The following DPF3 variants were observed in gnomAD, a reference collection of about 807,000 sequenced individuals.
DPF3 encodes double PHD fingers 3.
A neutral mutation model predicts 56.8 loss-of-function variants in DPF3; 18 were observed. The ratio of observed to expected loss-of-function variants is 0.32; its 90% CI spans 0.22 to 0.47. The LOEUF (loss-of-function observed/expected upper bound fraction) is 0.47, where lower values mean the gene tolerates loss of function less well. Ranked by LOEUF, DPF3 falls within the 20% of genes least tolerant of loss-of-function variation. The pLI, the probability that DPF3 is intolerant of heterozygous loss-of-function variation, is 1.00. For missense variants in DPF3, 403 were observed against 488.8 expected (o/e 0.82, Z 1.65); for synonymous variants, 188 against 180.2 (o/e 1.04, Z -0.35).
intron 1 of DPF3, among the ~76,000 whole-genome samples, chr14:72,783,675 C>G (rs1892084820): frequency 6.6e-6 from 1 of 152,212 alleles, no homozygotes; most frequent in Admixed American, 6.5e-5. Context: ...CGATGCCATT[C>G]AAGACATCAG....
chr14:72,791,168 A>C (rs1892414566), intron 1 of DPF3, among the ~76,000 whole-genome samples: 1 of 150,430 alleles, frequency 6.6e-6, no homozygotes, highest in Non-Finnish European at 1.5e-5. Context: ...CTAGCCCCCC[A>C]CCATGTGAGT....
chr14:72,858,080 G>A (rs140296810), intron 1 of DPF3, among the ~76,000 whole-genome samples: 35 of 151,908 alleles, frequency 2.3e-4, no homozygotes, highest in Non-Finnish European at 4.4e-4. Context: ...TCAGGCAGGC[G>A]GATTACTTGA....
At chr14:72,656,790 C>T (rs922229383) in intron 8 of DPF3, among the ~76,000 whole-genome samples, 3 of 152,178 alleles carry the variant, frequency 2.0e-5, no homozygotes, top group Admixed American at 2.0e-4. Flanking sequence ...CAATAAACCC[C>T]GCTGAAAGTT....
chr14:72,841,063 G>A (rs758491600), intron 1 of DPF3, among the ~76,000 whole-genome samples: 17 of 152,166 alleles, frequency 1.1e-4, no homozygotes, highest in Non-Finnish European at 1.6e-4. Flanking sequence ...TGCCTTAGGC[G>A]GCAGGATTTG....
rs530320584 is a variant in DPF3 at position 72,714,565 on chromosome 14, C to T, written c.526-64G>A. The stretch of plus-strand genomic sequence containing the variant: ...GTCATCACTACAGCTCCGGAGCATG[C>T]GCTCTGCGAGCTCCTTACACCGTCT... On this transcript the variant is annotated intron_variant, in intron 5 of 10. Transcript: ENST00000556509. The T allele has an allele frequency of 1.3e-4, 202 of 1,576,264 alleles. 3 individuals carry two copies. Among genetic ancestry groups the T allele is most frequent in the South Asian group, 1.0e-3 (89 of 88,920 alleles).
At chr14:72,891,709 T>G (rs1189105431) in intron 1 of DPF3, among the ~76,000 whole-genome samples, 2 of 152,084 alleles carry the variant, frequency 1.3e-5, no homozygotes, top group African/African-American at 4.8e-5. Flanking sequence ...GAGGCTGGGC[T>G]GGTCAGTGGT....
intron 1 of DPF3, among the ~76,000 whole-genome samples, chr14:72,858,526 G>GA (rs1338790820): frequency 6.6e-6 from 1 of 152,090 alleles, no homozygotes; most frequent in African/African-American, 2.4e-5. Flanking sequence ...ATGTCTTAGG[G>GA]ACCCCTTCAA....
chr14:72,719,087 T>TTTTTTG (rs1889062411), intron 5 of DPF3, among the ~76,000 whole-genome samples: 2 of 142,088 alleles, frequency 1.4e-5, no homozygotes. Flanking sequence ...TTTTTTTTTT[T>TTTTTTG]GAGATGGGGT....
At chr14:72,852,413 ACT>A (rs1415573765) in intron 1 of DPF3, among the ~76,000 whole-genome samples, 2 of 152,174 alleles carry the variant, frequency 1.3e-5, no homozygotes, top group Non-Finnish European at 2.9e-5. Flanking sequence ...AATTTGCCAC[ACT>A]GAGTCTGTTC....
chr14:72,806,382 G>T (rs923992689), intron 1 of DPF3, among the ~76,000 whole-genome samples: 2 of 152,138 alleles, frequency 1.3e-5, no homozygotes, highest in African/African-American at 2.4e-5. Flanking sequence ...CTCCCCAAAA[G>T]TTCCCTGAGC....
chr14:72,736,583 A>T (rs1195787467), intron 3 of DPF3, among the ~76,000 whole-genome samples: 1 of 152,044 alleles, frequency 6.6e-6, no homozygotes, highest in African/African-American at 2.4e-5. Flanking sequence ...ATCCCTCCCT[A>T]CAAACAAACA....
At chr14:72,632,528 T>C (rs1231845248) in intron 8 of DPF3, among the ~76,000 whole-genome samples, 1 of 116,308 alleles carries the variant, frequency 8.6e-6, no homozygotes, top group Non-Finnish European at 1.9e-5. Context: ...GGAAAACAAA[T>C]AAAAAATTAA....
intron 1 of DPF3, among the ~76,000 whole-genome samples, chr14:72,794,534 C>T (rs1044130917): frequency 2.6e-5 from 4 of 152,162 alleles, no homozygotes; most frequent in African/African-American, 7.2e-5. Context: ...AAACCATCCC[C>T]AGCAGCAGAA....
Position 72,714,486 on chromosome 14 carries a change from CT to C in DPF3, c.540del (p.Gly182AlafsTer90), listed in dbSNP as rs1353954474. On this transcript the variant is annotated frameshift_variant, in exon 6 of 11. Transcript: ENST00000556509. LOFTEE classifies it high-confidence loss of function. ...GCGGCGTCGTGCCTCCTCCTGCCCCCTGCAGAGCCGCGAGCCTGGGGAGACA... is the reference window on the plus strand; with the variant it reads ...GCGGCGTCGTGCCTCCTCCTGCCCCCGCAGAGCCGCGAGCCTGGGGAGACA... ...NRTRGRARGS[A>X]GGRRRHDAAS... The C allele has an allele frequency of 6.2e-7, 1 of 1,613,808 alleles. No individual in the cohort carries two copies. The highest frequency in any genetic ancestry group is 8.5e-7 in the Non-Finnish European group (1 of 1,179,766).
In DPF3 at chr14:72,648,603, A is replaced by T. The variant is rs777148743; in HGVS notation, c.872-18867T>A. ...AAAAAAAAAAGAATAAAACGATCGC[A>T]TCTTCTCCATGCCACACCCACCCAG... On this transcript the variant is annotated intron_variant, in intron 8 of 10. Transcript: ENST00000556509. Among the ~76,000 whole-genome samples the T allele has an allele frequency of 4.7e-5, 7 of 149,890 alleles. No homozygotes were observed. The South Asian group carries it at 8.5e-4, about 18-fold the overall frequency.
chr14:72,708,496 G>A (rs1198215204), intron 6 of DPF3, among the ~76,000 whole-genome samples: 1 of 152,198 alleles, frequency 6.6e-6, no homozygotes, highest in Non-Finnish European at 1.5e-5. Context: ...CGCGACAAAG[G>A]CAGTGAGCCT....
At chr14:72,847,739 T>C (rs940301025) in intron 1 of DPF3, among the ~76,000 whole-genome samples, 1 of 152,184 alleles carries the variant, frequency 6.6e-6, no homozygotes, top group Non-Finnish European at 1.5e-5. Flanking sequence ...CTTAAACTCC[T>C]GACCTCAGGT....
At chr14:72,793,932 G>C (rs564394693) in intron 1 of DPF3, among the ~76,000 whole-genome samples, 10 of 152,224 alleles carry the variant, frequency 6.6e-5, no homozygotes, top group Non-Finnish European at 1.2e-4. Context: ...ATGGAGGTTC[G>C]TGAAGCTGCT....
chr14:72,759,877 A>C (rs1422999716), intron 2 of DPF3, among the ~76,000 whole-genome samples: 1 of 152,172 alleles, frequency 6.6e-6, no homozygotes, highest in Admixed American at 6.5e-5. Flanking sequence ...CAATACTGAA[A>C]GGGAAAAAAA....
Sources: allele counts gnomAD v4.1 joint callset (sites outside exome capture counted in the v4.1 genomes callset), GRCh38; gene constraint gnomAD v4.1.1; transcripts MANE v1.5; gene names NCBI Gene and HGNC (gene_info 2026-07-23, HGNC 2026-07-21).